BLM: variants seen among roughly 807,000 people sequenced by gnomAD.
BLM encodes the protein recQ-like DNA helicase BLM.
In BLM, 95 loss-of-function variants were observed where a neutral mutation model predicts 135.3. The observed-to-expected ratio is 0.70, with a 90% CI of 0.59 to 0.83. The LOEUF (loss-of-function observed/expected upper bound fraction) is 0.83, where lower values mean the gene tolerates loss of function less well. Ranked by LOEUF, BLM falls within the 40% of genes least tolerant of loss-of-function variation. The pLI is 0.00. For missense variants in BLM, 1,518 were observed against 1,663.9 expected (o/e 0.91, Z 1.53); for synonymous variants, 520 against 589.2 (o/e 0.88, Z 1.70).
At chr15:90,809,990 G>C (rs972744583) in intron 20 of BLM, among the ~76,000 whole-genome samples, 5 of 151,994 alleles carry the variant, frequency 3.3e-5, no homozygotes, top group African/African-American at 9.7e-5. Context: ...CCTGCTTCCA[G>C]ACAGGCAGTG....
chr15:90,780,909 C>G (rs761053824), intron 12 of BLM, among the ~76,000 whole-genome samples: 34 of 152,206 alleles, frequency 2.2e-4, no homozygotes, highest in Non-Finnish European at 4.7e-4. Context: ...TATACATATA[C>G]TACACCATTT....
intron 12 of BLM, among the ~76,000 whole-genome samples, chr15:90,778,252 TAG>T (rs1567050054): frequency 6.6e-6 from 1 of 152,084 alleles, no homozygotes; most frequent in Non-Finnish European, 1.5e-5. Flanking sequence ...TTATTATTTT[TAG>T]TAAAAGTAAT....
intron 1 of BLM, among the ~76,000 whole-genome samples, chr15:90,724,445 T>C (rs1190591297): frequency 3.3e-5 from 5 of 152,160 alleles, no homozygotes; most frequent in African/African-American, 1.2e-4. Flanking sequence ...GTGTTTTTTT[T>C]CCCCACAATA....
intron 8 of BLM, among the ~76,000 whole-genome samples, chr15:90,763,944 A>C (rs1567042619): frequency 6.6e-6 from 1 of 152,194 alleles, no homozygotes; most frequent in Non-Finnish European, 1.5e-5. Context: ...TAGTGCTGTC[A>C]TTATTGTATA....
chr15:90,793,787 C>A, intron 15 of BLM: 1 of 156,872 alleles, frequency 6.4e-6, no homozygotes. Flanking sequence ...ATTTTGGAAC[C>A]ACTGGTGTAA....
At chr15:90,759,444 G>A (rs1479540884) in intron 5 of BLM, among the ~76,000 whole-genome samples, 2 of 151,524 alleles carry the variant, frequency 1.3e-5, no homozygotes, top group African/African-American at 2.4e-5. Context: ...GATGTGTTGT[G>A]TTGCTGGGCA....
At chr15:90,779,296 C>T (rs1322597650) in intron 12 of BLM, among the ~76,000 whole-genome samples, 1 of 147,184 alleles carries the variant, frequency 6.8e-6, no homozygotes, top group Non-Finnish European at 1.5e-5. Flanking sequence ...CTCACCAACA[C>T]TTGTTTTTGT....
chr15:90,789,987 G>GTTTT lies in BLM; in HGVS notation c.2824-629_2824-626dup, dbSNP rs61059865. Among the ~76,000 whole-genome samples, 44 of 57,368 alleles carry GTTTT rather than the reference G, an allele frequency of 7.7e-4. 7 individuals carry two copies. The highest frequency in any genetic ancestry group is 1.9e-3 in the African/African-American group (36 of 18,936). 37.6% of individuals were successfully genotyped at this position (57,368 alleles called of 152,430 possible). A position where few individuals can be genotyped will look rare whatever the true frequency, so the allele number is the denominator to read the frequency against. On this transcript the variant is annotated intron_variant, in intron 14 of 21. Transcript: ENST00000355112. ...AGGTCTAAGATCCGCAGTCCCTGGT[G>GTTTT]TTTTTTTTTTTTTTTTTTTTTTTTT...
chr15:90,767,118 A>C (rs1171508285), intron 10 of BLM, 95 bp downstream of exon 10: 1 of 749,796 alleles, frequency 1.3e-6, no homozygotes, highest in Non-Finnish European at 2.1e-6. Flanking sequence ...CGTAGTGCAA[A>C]GAATTTTTGT....
At chr15:90,778,500 G>A (rs2151174668) in intron 12 of BLM, among the ~76,000 whole-genome samples, 1 of 152,240 alleles carries the variant, frequency 6.6e-6, no homozygotes, top group African/African-American at 2.4e-5. Flanking sequence ...AAACACCCAT[G>A]CCCATTGCAG....
rs772743519 is a variant in BLM at position 90,815,082 on chromosome 15, T to C, written c.4077-20T>C. 1 of 1,613,238 alleles carries C rather than the reference T, an allele frequency of 6.2e-7. No homozygotes were observed. Among genetic ancestry groups the C allele is most frequent in the South Asian group, 1.1e-5 (1 of 91,082 alleles). ...TTGGTTTCATTTAACATTTTGATTT[T>C]TTTCTTTGTCACATTTCAGGGGGTC... is the stretch of plus-strand genomic sequence containing the variant. On this transcript the variant is annotated intron_variant, in intron 21 of 21. Transcript: ENST00000355112. The surrounding 1 kb of genome is among the most constrained non-coding windows in gnomAD (Gnocchi z 4.6).
chr15:90,792,826 A>G (rs77807054), intron 15 of BLM, among the ~76,000 whole-genome samples: 13 of 152,122 alleles, frequency 8.5e-5, no homozygotes, highest in Non-Finnish European at 1.2e-4. Context: ...ACAGAACCCA[A>G]GTTCGTCTGA....
At chr15:90,777,939 A>T (rs1353157255) in intron 12 of BLM, among the ~76,000 whole-genome samples, 1 of 152,202 alleles carries the variant, frequency 6.6e-6, no homozygotes, top group East Asian at 1.9e-4. Context: ...TACTTCATTC[A>T]TTTTTATAGC....
chr15:90,804,830 CTT>C (rs1296840701), intron 19 of BLM, among the ~76,000 whole-genome samples: 1 of 151,758 alleles, frequency 6.6e-6, no homozygotes, highest in Non-Finnish European at 1.5e-5. Flanking sequence ...ACAATTGAAA[CTT>C]ATTCTTTTTT....
chr15:90,780,165 A>G (rs769585494), intron 12 of BLM, among the ~76,000 whole-genome samples: 4 of 151,190 alleles, frequency 2.6e-5, no homozygotes, highest in Non-Finnish European at 4.4e-5. Flanking sequence ...GCTCACTGCA[A>G]CCTCCGCCTC....
chr15:90,721,711 T>A (rs866853891), intron 1 of BLM, among the ~76,000 whole-genome samples: 14 of 151,838 alleles, frequency 9.2e-5, no homozygotes, highest in Middle Eastern at 6.8e-3. Context: ...GGTGGGCGGA[T>A]CATGAGGTCA....
At chr15:90,814,509 T>A (rs1484891767) in intron 21 of BLM, among the ~76,000 whole-genome samples, 3 of 152,130 alleles carry the variant, frequency 2.0e-5, no homozygotes, top group African/African-American at 7.2e-5. Context: ...TGTAGGCAGG[T>A]GAGCCAGGGA....
chr15:90,769,723 T>G (rs1000596580), intron 12 of BLM, 137 bp downstream of exon 12: 1 of 1,033,674 alleles, frequency 9.7e-7, no homozygotes. Context: ...TGTAACCCGA[T>G]GGCAGCTAAA....
At chr15:90,779,021 G>A (rs916967302) in intron 12 of BLM, among the ~76,000 whole-genome samples, 3 of 151,910 alleles carry the variant, frequency 2.0e-5, no homozygotes, top group African/African-American at 4.8e-5. Context: ...GAGTAGCTGA[G>A]ACTACAGGTG....
Sources: allele counts gnomAD v4.1 joint callset (sites outside exome capture counted in the v4.1 genomes callset), GRCh38; gene constraint gnomAD v4.1.1; non-coding constraint Gnocchi (gnomAD v3.1); transcripts MANE v1.5; gene names NCBI Gene and HGNC (gene_info 2026-07-23, HGNC 2026-07-21).